Variants in SPG11 observed in about 807,000 individuals in gnomAD.
SPG11 encodes spatacsin.
Under a neutral mutation model 274.0 loss-of-function variants are expected in SPG11, and 222 were observed. The observed-to-expected ratio is 0.81, with a 90% CI of 0.73 to 0.91. The LOEUF (loss-of-function observed/expected upper bound fraction) is 0.91. Among genes scored for constraint, SPG11 ranks in the 40% least tolerant of loss-of-function variants. The probability of loss-of-function intolerance (pLI) is 0.00; values close to 1 mark genes in which losing one functional copy is unlikely to be tolerated. For synonymous variants in SPG11, 1,144 were observed against 1,039.7 expected (o/e 1.10, Z -1.93); for missense variants, 3,114 against 2,872.7 (o/e 1.08, Z -1.92).
In SPG11 at chr15:44,565,981, C is replaced by T; in HGVS notation, c.6872G>A (p.Cys2291Tyr). 3.1e-6 allele frequency: 5 copies of T among 1,613,900 alleles called. No homozygotes were observed. Among genetic ancestry groups the T allele is most frequent in the South Asian group, 1.1e-5 (1 of 91,060 alleles). ...AGTTATCAACTTGGTGAGCCGCTGA[C>T]AGTGCTGGGCCTGTCGCACACAGGA... ...KDSCVRQAQHCQRLTKLITLQ... is the reference protein window; with the variant it reads ...KDSCVRQAQHYQRLTKLITLQ... Residue 2291 changes from cysteine (C) to tyrosine (Y), a missense_variant, in exon 38 of 40, where the codon TGT (cysteine) becomes TAT (tyrosine). Cys to Tyr is a radical substitution (Grantham distance 194). Transcript: ENST00000261866.
At position 44,629,235 on chromosome 15, in the gene SPG11, T is replaced by A. The variant is rs750511636; in HGVS notation, c.1889A>T (p.Glu630Val). 9 of 1,613,876 alleles carry A rather than the reference T, an allele frequency of 5.6e-6. No individual in the cohort carries two copies. The Admixed American group carries it at 1.2e-4, about 21-fold the overall frequency. ...CCCTTCCTAGCTGCTATTCTTACCTTCAGTGTGAATGAAAAGCTCCTTTAT... is the reference window on the plus strand; with the variant it reads ...CCCTTCCTAGCTGCTATTCTTACCTACAGTGTGAATGAAAAGCTCCTTTAT... ...NQIKELFIHTEELDEHLQKGV... is the reference protein window; with the variant it reads ...NQIKELFIHTVELDEHLQKGV... The change falls in exon 9 of 40, where the codon GAA (glutamate) becomes GTA (valine). Residue 630 changes from glutamate to valine, a missense_variant and splice_region_variant. Glu to Val is a moderately radical substitution (Grantham distance 121). Coordinates refer to ENST00000261866, the MANE Select transcript of SPG11 (RefSeq NM_025137.4).
intron 6 of SPG11, 82 bp downstream of exon 6, chr15:44,651,409 C>T: frequency 8.3e-7 from 1 of 1,203,594 alleles, no homozygotes. Flanking sequence ...AAGGCAAGAG[C>T]AGGCACTGAG....
At chr15:44,598,153 A>C (rs1214110835) in intron 23 of SPG11, 112 bp downstream of exon 23, 1 of 733,064 alleles carries the variant, frequency 1.4e-6, no homozygotes, top group African/African-American at 1.7e-5. Context: ...GAAGAAGATA[A>C]GGTCTAGGGG....
At position 44,596,829 on chromosome 15, in the gene SPG11, C is replaced by T. The variant is rs763115113; in HGVS notation, c.4116G>A (p.Leu1372=). The T allele has an allele frequency of 3.7e-6, 6 of 1,613,932 alleles. No individual in the cohort carries two copies. Among genetic ancestry groups the T allele is most frequent in the Non-Finnish European group, 5.1e-6 (6 of 1,180,016 alleles). ...GGAGTTGGCTGTGAATAATGAACTG[C>T]AGCCAATCATTTGCTTTGGCACATT... is the stretch of plus-strand genomic sequence containing the variant. The part of the protein sequence containing the change: ...LRECAKANDW[L]QFIIHSQLHN... Residue 1372 remains leucine, a synonymous_variant, in exon 24 of 40, where the codon CTG becomes CTA. Transcript: ENST00000261866.
rs1456101846 is a variant in SPG11 at position 44,596,186 on chromosome 15, A to C, written c.4331T>G (p.Ile1444Ser). The change falls in exon 25 of 40, where the codon ATT (isoleucine) becomes AGT (serine). Residue 1444 changes from isoleucine to serine, a missense_variant. Ile to Ser is a moderately radical substitution (Grantham distance 142). Transcript: ENST00000261866. ...SKQEMTDLFE[I>S]LLQCSEEPDS... The stretch of plus-strand genomic sequence containing the variant: ...TGGCTCCTCTGAGCATTGGAGCAGA[A>C]TTTCAAATAAATCGGTCATCTCTTG... 1.2e-6 allele frequency: 2 copies of C among 1,614,204 alleles called. No homozygotes were observed. Among genetic ancestry groups the C allele is most frequent in the East Asian group, 4.5e-5 (2 of 44,880 alleles).
intron 6 of SPG11, 127 bp downstream of exon 6, chr15:44,651,364 G>A: frequency 1.2e-6 from 1 of 816,896 alleles, no homozygotes; most frequent in Non-Finnish European, 2.0e-6. Flanking sequence ...AGAATAACAA[G>A]AAACTTCCTC....
At position 44,628,661 on chromosome 15, in the gene SPG11, G is replaced by A. The variant is rs374214706; in HGVS notation, c.2067+8C>T. On this transcript the variant is annotated splice_region_variant and intron_variant, in intron 10 of 39. Coordinates refer to ENST00000261866, the MANE Select transcript of SPG11 (RefSeq NM_025137.4). ...CAAATAAAAGAAGTGATGATTATTC[G>A]TACTTACCTCAAAGCTGAGTTTCTT... The A allele has an allele frequency of 2.0e-5, 32 of 1,611,368 alleles. No homozygotes were observed. The African/African-American group carries it at 2.1e-4, about 11-fold the overall frequency.
At position 44,652,174 on chromosome 15, in the gene SPG11, G is replaced by A; in HGVS notation, c.962C>T (p.Ser321Phe). ...CTTGGCCAGTTTCATGTTGTAGGCA[G>A]AGTTAACAGGATCATCTTCATCTAC... is the stretch of plus-strand genomic sequence containing the variant. Reference protein sequence around the residue: ...KGVDEDDPVNSAYNMKLAKFS... With the variant: ...KGVDEDDPVNFAYNMKLAKFS... The change falls in exon 5 of 40, where the codon TCT (serine) becomes TTT (phenylalanine). Residue 321 changes from serine (S) to phenylalanine (F), a missense_variant. Physicochemically the swap from Ser to Phe is radical, Grantham distance 155. Coordinates refer to ENST00000261866, the MANE Select transcript of SPG11 (RefSeq NM_025137.4). 8 of 1,614,142 alleles carry A rather than the reference G, an allele frequency of 5.0e-6. No homozygotes were observed. The highest frequency in any genetic ancestry group is 6.8e-6 in the Non-Finnish European group (8 of 1,180,018).
In SPG11 at chr15:44,598,677, C is replaced by T; in HGVS notation, c.3846G>A (p.Lys1282=). 1 of 1,614,224 alleles carries T rather than the reference C, an allele frequency of 6.2e-7. No individual in the cohort carries two copies. The highest frequency in any genetic ancestry group is 1.1e-5 in the South Asian group (1 of 91,090). Reference sequence around the variant, plus strand: ...TGTACTGAGCATCTTCATTTCTGCACTTGTAGCTCAAAATTATATTGGCCA... The same window carrying T: ...TGTACTGAGCATCTTCATTTCTGCATTTGTAGCTCAAAATTATATTGGCCA... ...MKVANIILSY[K]CRNEDAQYSF... Residue 1282 remains lysine (K), a synonymous_variant, in exon 22 of 40, where the codon AAG becomes AAA. Transcript: ENST00000261866.
Position 44,596,153 on chromosome 15 carries a change from C to T in SPG11, c.4364G>A (p.Trp1455Ter). 2 of 1,614,158 alleles carry T rather than the reference C, an allele frequency of 1.2e-6. No homozygotes were observed. Among genetic ancestry groups the T allele is most frequent in the Non-Finnish European group, 1.7e-6 (2 of 1,180,030 alleles). The change falls in exon 25 of 40, where the codon TGG becomes TAG. Residue 1455 changes from tryptophan (W) to a stop codon, truncating the protein, a stop_gained. Transcript: ENST00000261866. LOFTEE classifies it high-confidence loss of function. ...LLQCSEEPDS[W>*]HWLLVEAVKQ... ...CACTGCTTCAACCAGAAGCCAGTGCCAGGAGTCTGGCTCCTCTGAGCATTG... is the reference window on the plus strand; with the variant it reads ...CACTGCTTCAACCAGAAGCCAGTGCTAGGAGTCTGGCTCCTCTGAGCATTG...
chr15:44,640,993 G>A (rs2084423357), intron 7 of SPG11, among the ~76,000 whole-genome samples: 1 of 152,216 alleles, frequency 6.6e-6, no homozygotes, highest in Non-Finnish European at 1.5e-5. Context: ...CTCCCAAAGT[G>A]CTGGGATTAC....
chr15:44,585,787 T>C lies in SPG11; in HGVS notation c.4970A>G (p.Asn1657Ser), dbSNP rs376207036. ...QILKDTSIAINHTIITSYSIE... is the reference protein window; with the variant it reads ...QILKDTSIAISHTIITSYSIE... ...GCTGTAGCTGGTAATAATTGTATGA[T>C]TAATGGCTATGGATGTATCCTTCAA... is the stretch of plus-strand genomic sequence containing the variant. The change falls in exon 29 of 40, where the codon AAT (asparagine) becomes AGT (serine). Residue 1657 changes from asparagine (N) to serine (S), a missense_variant. Physicochemically the swap from Asn to Ser is conservative, Grantham distance 46. Coordinates refer to ENST00000261866, the MANE Select transcript of SPG11 (RefSeq NM_025137.4). 13 of 1,613,926 alleles carry C rather than the reference T, an allele frequency of 8.1e-6. No individual in the cohort carries two copies. Among genetic ancestry groups the C allele is most frequent in the Non-Finnish European group, 1.0e-5 (12 of 1,179,988 alleles).
Position 44,573,570 on chromosome 15 carries a change from A to C in SPG11, c.6182T>G (p.Leu2061Arg). Residue 2061 changes from leucine (L) to arginine (R), a missense_variant, in exon 32 of 40, where the codon CTG (leucine) becomes CGG (arginine). Leu to Arg is a moderately radical substitution (Grantham distance 102). Transcript: ENST00000261866. The part of the protein sequence containing the change: ...ELVAEEVTRE[L>R]LTSSQGTGHK... ...ACCTGTTCCCTGTGATGAAGTAAGC[A>C]GCTCCCGTGTCACCTCTTCTGCCAC... 1 of 1,614,176 alleles carries C rather than the reference A, an allele frequency of 6.2e-7. No individual in the cohort carries two copies. Among genetic ancestry groups the C allele is most frequent in the Non-Finnish European group, 8.5e-7 (1 of 1,180,032 alleles).
chr15:44,633,955 C>G (rs1013344182), intron 7 of SPG11, among the ~76,000 whole-genome samples: 2 of 152,064 alleles, frequency 1.3e-5, no homozygotes, highest in African/African-American at 4.8e-5. Context: ...TCTCCTGCCC[C>G]AGCCTCCCAA....
intron 10 of SPG11, among the ~76,000 whole-genome samples, chr15:44,628,408 A>G (rs998277124): frequency 2.0e-5 from 3 of 152,364 alleles, no homozygotes; most frequent in Middle Eastern, 3.4e-3. Flanking sequence ...ACATGGGTTT[A>G]GAGTTGGGTG....
chr15:44,629,996 G>T (rs780691376), intron 8 of SPG11, among the ~76,000 whole-genome samples: 1 of 152,094 alleles, frequency 6.6e-6, no homozygotes, highest in Non-Finnish European at 1.5e-5. Flanking sequence ...GCTTGAACCC[G>T]GGAGGCGGAG....
chr15:44,602,414 T>C lies in SPG11; in HGVS notation c.3521-1782A>G, dbSNP rs374931681. The stretch of plus-strand genomic sequence containing the variant: ...ATGCCTAATTTGTTGAGAGTTTTTA[T>C]TATGAAAGGATGTTGAATTTTCCTA... On this transcript the variant is annotated intron_variant, in intron 20 of 39. Transcript: ENST00000261866. Among the ~76,000 whole-genome samples, 33 of 152,280 alleles carry C rather than the reference T, an allele frequency of 2.2e-4. No individual in the cohort carries two copies. In the East Asian group the frequency reaches 6.2e-3, roughly 28 times the overall value.
chr15:44,585,014 G>T (rs562533999), intron 29 of SPG11, among the ~76,000 whole-genome samples: 17 of 152,220 alleles, frequency 1.1e-4, no homozygotes, highest in Non-Finnish European at 2.4e-4. Flanking sequence ...GAAAGTTATG[G>T]TATGAAAAAC....
At chr15:44,570,399 G>C (rs2140922667) in intron 34 of SPG11, 126 bp downstream of exon 34, 1 of 1,197,252 alleles carries the variant, frequency 8.4e-7, no homozygotes, top group Middle Eastern at 2.4e-4. Context: ...CAACTCTCAA[G>C]TAGGTAGTGG....
Sources: allele counts gnomAD v4.1 joint callset (sites outside exome capture counted in the v4.1 genomes callset), GRCh38; gene constraint gnomAD v4.1.1; transcripts MANE v1.5; gene names NCBI Gene and HGNC (gene_info 2026-07-23, HGNC 2026-07-21).